LINGO1: variants seen among roughly 807,000 people sequenced by gnomAD.
LINGO1 encodes leucine rich repeat and Ig domain containing 1.
In LINGO1, 11 loss-of-function variants were observed where a neutral mutation model predicts 37.3. The ratio of observed to expected loss-of-function variants is 0.29; its 90% CI spans 0.19 to 0.49. The LOEUF (loss-of-function observed/expected upper bound fraction) is 0.49. Ranked by LOEUF, LINGO1 falls within the 20% of genes least tolerant of loss-of-function variation. The pLI, the probability that LINGO1 is intolerant of heterozygous loss-of-function variation, is 0.99. For synonymous variants in LINGO1, 387 were observed against 403.0 expected (o/e 0.96, Z 0.48); for missense variants, 585 against 878.2 (o/e 0.67, Z 4.22).
chr15:77,686,575 A>AC (rs1203311825), intron 2 of LINGO1, among the ~76,000 whole-genome samples: 5 of 152,052 alleles, frequency 3.3e-5, no homozygotes, highest in African/African-American at 1.2e-4. Flanking sequence ...CAGTGCCCCC[A>AC]CCGTCAACCC....
intron 1 of LINGO1, among the ~76,000 whole-genome samples, chr15:77,812,576 G>A (rs943751431): frequency 1.3e-5 from 2 of 152,202 alleles, no homozygotes; most frequent in African/African-American, 2.4e-5. Context: ...TCACAGACAG[G>A]GGGGCTTGCG....
intron 2 of LINGO1, among the ~76,000 whole-genome samples, chr15:77,734,582 T>G (rs1018175785): frequency 4.7e-5 from 7 of 150,086 alleles, no homozygotes; most frequent in African/African-American, 1.7e-4. Flanking sequence ...CCCTGGCCTG[T>G]CCCCCACAGG....
At chr15:77,705,596 G>A (rs2075843076) in intron 2 of LINGO1, among the ~76,000 whole-genome samples, 1 of 152,236 alleles carries the variant, frequency 6.6e-6, no homozygotes, top group Non-Finnish European at 1.5e-5. Context: ...AGAAGGTGAG[G>A]TGGCAGGGGC....
intron 2 of LINGO1, among the ~76,000 whole-genome samples, chr15:77,704,916 C>A (rs890637759): frequency 2.6e-5 from 4 of 152,286 alleles, no homozygotes; most frequent in Middle Eastern, 3.4e-3. Flanking sequence ...TTGCACATAG[C>A]CCTGACAGTC....
At chr15:77,700,541 C>G (rs2075769061), upstream of LINGO1, among the ~76,000 whole-genome samples, 1 of 152,182 alleles carries the variant, frequency 6.6e-6, no homozygotes, top group African/African-American at 2.4e-5. Flanking sequence ...CAAACCTGAC[C>G]CTCCTAACTC....
At chr15:77,716,520 C>A (rs2075987445) in intron 2 of LINGO1, among the ~76,000 whole-genome samples, 1 of 149,696 alleles carries the variant, frequency 6.7e-6, no homozygotes, top group South Asian at 2.2e-4. Flanking sequence ...GATCCGGAGT[C>A]CAAGACACGT....
At chr15:77,749,437 T>G (rs8035384) in intron 1 of LINGO1, among the ~76,000 whole-genome samples, 77,591 of 151,978 alleles carry the variant, frequency 0.51, 19,874 homozygotes, top group Admixed American at 0.56. Flanking sequence ...TGGTTTTATT[T>G]CTCAGTCTTT....
intron 1 of LINGO1, among the ~76,000 whole-genome samples, chr15:77,819,849 G>A (rs2077083754): frequency 1.3e-5 from 2 of 151,554 alleles, no homozygotes; most frequent in African/African-American, 2.4e-5. Flanking sequence ...ACTCCCGCGG[G>A]AAGCGCCGGC....
intron 2 of LINGO1, among the ~76,000 whole-genome samples, chr15:77,795,023 C>G (rs1437062740): frequency 3.9e-5 from 6 of 152,130 alleles, no homozygotes; most frequent in African/African-American, 1.4e-4. Context: ...CCAGGCCTGC[C>G]ACCAGGCTTC....
chr15:77,637,870 C>T (rs2074426082), upstream of LINGO1, among the ~76,000 whole-genome samples: 1 of 152,236 alleles, frequency 6.6e-6, no homozygotes, highest in Non-Finnish European at 1.5e-5. The surrounding 1 kb of genome is among the most constrained non-coding windows in gnomAD (Gnocchi z 4.6). Context: ...CTACAAATTA[C>T]ACCTGACTGA....
rs2076177258 is a variant in LINGO1, at chr15:77,733,894, C to G, written c.-195+1098G>C. 2.6e-5 allele frequency among the ~76,000 whole-genome samples: 4 copies of G among 152,234 alleles called. 1 individual carries two copies. The South Asian group carries it at 8.3e-4, about 32-fold the overall frequency. ...ATCCCCAGAGTCCTTCAAACTCCTTCCAAGACTCTGCTGCAAAATGACTGT... is the reference window on the plus strand; with the variant it reads ...ATCCCCAGAGTCCTTCAAACTCCTTGCAAGACTCTGCTGCAAAATGACTGT... On this transcript the variant is annotated intron_variant, in intron 2 of 3. Coordinates refer to the LINGO1 transcript ENST00000561686.
upstream of LINGO1, among the ~76,000 whole-genome samples, chr15:77,791,639 C>T (rs141960966): frequency 6.6e-6 from 1 of 152,112 alleles, no homozygotes; most frequent in East Asian, 1.9e-4. Flanking sequence ...GGAACATGAC[C>T]TGGAGGAAGG....
chr15:77,617,889 G>T (rs986308013), intron 1 of LINGO1, among the ~76,000 whole-genome samples: 3 of 152,146 alleles, frequency 2.0e-5, no homozygotes, highest in African/African-American at 7.2e-5. Context: ...AATCTGCAAG[G>T]GTTCTGTTAT....
intron 1 of LINGO1, among the ~76,000 whole-genome samples, chr15:77,750,650 T>C (rs946206143): frequency 1.3e-5 from 2 of 152,222 alleles, no homozygotes; most frequent in Non-Finnish European, 2.9e-5. Context: ...GCTTTTACCA[T>C]TCCCCTGTGC....
At chr15:77,777,865 A>G (rs1296435283) in intron 1 of LINGO1, among the ~76,000 whole-genome samples, 1 of 149,000 alleles carries the variant, frequency 6.7e-6, no homozygotes, top group Admixed American at 6.7e-5. Context: ...TGAGGTTGCC[A>G]TGAGCCATGA....
intron 3 of LINGO1, among the ~76,000 whole-genome samples, chr15:77,669,848 A>G (rs1396092616): frequency 6.6e-6 from 1 of 152,258 alleles, no homozygotes; most frequent in Admixed American, 6.5e-5. Flanking sequence ...CGGCCCAGCA[A>G]CTTAGCACCT....
At chr15:77,750,842 T>C (rs371916235) in intron 1 of LINGO1, among the ~76,000 whole-genome samples, 258 of 152,326 alleles carry the variant, frequency 1.7e-3, no homozygotes, top group African/African-American at 6.1e-3. Flanking sequence ...CTACTACGTG[T>C]CAGGGCTTGG....
chr15:77,694,002 T>A (rs1298749390), intron 1 of LINGO1, among the ~76,000 whole-genome samples: 1 of 152,104 alleles, frequency 6.6e-6, no homozygotes, highest in African/African-American at 2.4e-5. Flanking sequence ...AACAGATCTC[T>A]GTTCAGCATG....
chr15:77,810,033 A>G (rs535385071), intron 1 of LINGO1, among the ~76,000 whole-genome samples: 21 of 151,832 alleles, frequency 1.4e-4, no homozygotes, highest in African/African-American at 3.4e-4. Flanking sequence ...TCCTCCCCCA[A>G]TGACCTCAAG....
Sources: allele counts gnomAD v4.1 joint callset (sites outside exome capture counted in the v4.1 genomes callset), GRCh38; gene constraint gnomAD v4.1.1; non-coding constraint Gnocchi (gnomAD v3.1); transcripts MANE v1.5; gene names NCBI Gene and HGNC (gene_info 2026-07-23, HGNC 2026-07-21).